The following GPHN variants were observed in gnomAD, a reference collection of about 807,000 sequenced individuals.
GPHN encodes the protein gephyrin.
In GPHN, 17 loss-of-function variants were observed where a neutral mutation model predicts 95.5. That is an observed-to-expected ratio of 0.18 (90% CI 0.12 to 0.27). The LOEUF (loss-of-function observed/expected upper bound fraction) is 0.27, where lower values mean the gene tolerates loss of function less well. Ranked by LOEUF, GPHN falls within the 10% of genes least tolerant of loss-of-function variation. The probability of loss-of-function intolerance (pLI) is 1.00; values close to 1 mark genes in which losing one functional copy is unlikely to be tolerated. For missense variants in GPHN, 660 were observed against 978.1 expected, an observed-to-expected ratio of 0.67 and a Z score of 4.34; for synonymous variants, 320 against 322.5, an observed-to-expected ratio of 0.99 and a Z score of 0.08.
intron 9 of GPHN, chr14:66,996,296 G>A (rs903439681): frequency 2.5e-5 from 24 of 971,708 alleles, no homozygotes; most frequent in Admixed American, 1.0e-4. Context: ...TTTTCCTTTC[G>A]CCTTAATTTA....
At chr14:67,501,807 C>T in the GPHN span, among the ~76,000 whole-genome samples, 2 of 152,190 alleles carry the variant, frequency 1.3e-5, no homozygotes. Flanking sequence ...TCATAAATTA[C>T]ATAATCCTCA....
intron 5 of GPHN, among the ~76,000 whole-genome samples, chr14:66,894,951 G>T (rs918089438): frequency 1.1e-4 from 17 of 152,150 alleles, no homozygotes; most frequent in Non-Finnish European, 4.4e-5. Flanking sequence ...ACAGTGTGTC[G>T]ATTCCTCAAG....
intron 1 of GPHN, among the ~76,000 whole-genome samples, chr14:66,538,953 G>A (rs189204736): frequency 1.2e-3 from 181 of 152,092 alleles, no homozygotes; most frequent in African/African-American, 4.3e-3. Flanking sequence ...TTAGTTGTTA[G>A]GCCAATTTAA....
chr14:67,730,108 G>A, the GPHN span, among the ~76,000 whole-genome samples: 1,856 of 152,336 alleles, frequency 0.012, 33 homozygotes, highest in Middle Eastern at 0.044. Context: ...ACTCAGTTCT[G>A]AGTGTGTAAT....
At chr14:67,659,456 T>C in the GPHN span, among the ~76,000 whole-genome samples, 1 of 151,734 alleles carries the variant, frequency 6.6e-6, no homozygotes, top group Admixed American at 6.6e-5. Flanking sequence ...TACATTCTAC[T>C]ACATACAAAG....
intron 1 of GPHN, among the ~76,000 whole-genome samples, chr14:66,597,780 C>T (rs553585143): frequency 6.6e-6 from 1 of 152,208 alleles, no homozygotes; most frequent in Non-Finnish European, 1.5e-5. Context: ...CACACTGCAG[C>T]TGGCATCATG....
intron 1 of GPHN, among the ~76,000 whole-genome samples, chr14:66,588,394 T>C (rs1426726792): frequency 3.3e-5 from 5 of 152,132 alleles, no homozygotes; most frequent in African/African-American, 4.8e-5. Flanking sequence ...ATTAGTTTGA[T>C]GAATTGACAA....
At chr14:67,257,196 G>A in the GPHN span, among the ~76,000 whole-genome samples, 1 of 152,114 alleles carries the variant, frequency 6.6e-6, no homozygotes, top group Admixed American at 6.5e-5. Flanking sequence ...CTGAATACAC[G>A]GTTTAGTCTG....
At chr14:67,690,289 T>C in the GPHN span, 2 of 1,614,198 alleles carry the variant, frequency 1.2e-6, no homozygotes, top group African/African-American at 1.3e-5. Flanking sequence ...GCCTGCATTG[T>C]AGAATTTCTC....
the GPHN span, chr14:67,690,444 A>G: frequency 1.2e-6 from 2 of 1,606,674 alleles, no homozygotes; most frequent in Non-Finnish European, 1.7e-6. Flanking sequence ...ACTAGAATTA[A>G]TGAAGTTCAG....
chr14:66,938,651 T>C (rs2067246276), intron 8 of GPHN, among the ~76,000 whole-genome samples: 1 of 152,186 alleles, frequency 6.6e-6, no homozygotes, highest in Non-Finnish European at 1.5e-5. Flanking sequence ...ATTAGTACTT[T>C]GAAGTATTTG....
the GPHN span, among the ~76,000 whole-genome samples, chr14:67,700,549 A>G: frequency 6.6e-6 from 1 of 151,058 alleles, no homozygotes; most frequent in African/African-American, 2.4e-5. Context: ...CCCCGTCTCT[A>G]CTAAAAATAC....
the GPHN span, chr14:67,352,972 G>C: frequency 6.2e-7 from 1 of 1,613,976 alleles, no homozygotes; most frequent in South Asian, 1.1e-5. Context: ...TAAGGCATCA[G>C]ATTTTTTCTT....
chr14:67,685,170 G>T, the GPHN span: 1 of 1,614,122 alleles, frequency 6.2e-7, no homozygotes, highest in East Asian at 2.2e-5. Flanking sequence ...ATTGGACTGT[G>T]CCAGGGTGTA....
At chr14:67,376,092 T>C in the GPHN span, among the ~76,000 whole-genome samples, 2 of 152,226 alleles carry the variant, frequency 1.3e-5, no homozygotes, top group East Asian at 3.8e-4. Context: ...GGAGTAATAA[T>C]AACAACTTGT....
intron 2 of GPHN, among the ~76,000 whole-genome samples, chr14:66,757,734 G>T (rs2058615992): frequency 6.6e-6 from 1 of 152,088 alleles, no homozygotes; most frequent in Non-Finnish European, 1.5e-5. Flanking sequence ...AAATCTGGTT[G>T]GCAGGGTAGG....
rs542554369 is a variant in GPHN at position 67,001,543 on chromosome 14, G to A, written c.964-22090G>A. Among the ~76,000 whole-genome samples, 46 of 151,458 alleles carry A rather than the reference G, an allele frequency of 3.0e-4. 1 individual carries two copies. The highest frequency in any genetic ancestry group is 5.3e-4 in the Non-Finnish European group (36 of 67,578). On this transcript the variant is annotated intron_variant, in intron 9 of 22. Coordinates refer to ENST00000478722, the MANE Select transcript of GPHN (RefSeq NM_020806.5). ...AATGTTCTTAAAGTTTCCCTGCATA[G>A]AAATCTTCTAGTTATCTTTTACTCT... is the stretch of plus-strand genomic sequence containing the variant.
At chr14:66,961,534 C>A (rs532340674) in intron 8 of GPHN, among the ~76,000 whole-genome samples, 42 of 151,202 alleles carry the variant, frequency 2.8e-4, no homozygotes, top group African/African-American at 9.5e-4. Context: ...GACTAGTTAT[C>A]CAGAATAAAT....
chr14:66,935,732 G>GTGT (rs1307094132), intron 8 of GPHN, among the ~76,000 whole-genome samples: 1 of 151,546 alleles, frequency 6.6e-6, no homozygotes, highest in Non-Finnish European at 1.5e-5. Context: ...ACGTATACAT[G>GTGT]TGTTTATGTA....
Sources: gnomAD v4.1 joint callset for allele counts (sites outside exome capture counted in the v4.1 genomes callset) on GRCh38, gnomAD v4.1.1 for gene constraint, MANE v1.5 for transcripts, NCBI Gene and HGNC (gene_info 2026-07-23, HGNC 2026-07-21) for gene names.